Variants in EPHA5 observed in about 807,000 individuals in gnomAD.
EPHA5 encodes EPH receptor A5, also known as ephrin type-A receptor 5.
Under a neutral mutation model 105.0 loss-of-function variants are expected in EPHA5, and 60 were observed. That is an observed-to-expected ratio of 0.57 (90% CI 0.46 to 0.71). The LOEUF is 0.71. EPHA5 is among the 30% of genes least tolerant of loss of function. EPHA5 has a pLI of 0.00. For missense variants in EPHA5, 1,218 were observed against 1,274.7 expected (o/e 0.96, Z 0.68); for synonymous variants, 513 against 449.1 (o/e 1.14, Z -1.80).
At chr4:65,425,077 T>A (rs1438467658) in intron 5 of EPHA5, among the ~76,000 whole-genome samples, 2 of 152,086 alleles carry the variant, frequency 1.3e-5, no homozygotes, top group Admixed American at 6.6e-5. Context: ...TGCATTTGAT[T>A]TATATACCCA....
At chr4:65,466,009 C>A (rs574504075) in intron 5 of EPHA5, among the ~76,000 whole-genome samples, 1 of 152,250 alleles carries the variant, frequency 6.6e-6, no homozygotes, top group Admixed American at 6.5e-5. Context: ...CAAAAAAAGA[C>A]ATAAAAATTA....
intron 8 of EPHA5, among the ~76,000 whole-genome samples, chr4:65,388,659 G>T (rs1720383888): frequency 1.0e-5 from 1 of 98,368 alleles, no homozygotes; most frequent in African/African-American, 4.0e-5. Context: ...ACTTTTTGAT[G>T]GGGTTGTTTT....
chr4:65,538,050 A>T (rs193090363), intron 3 of EPHA5, among the ~76,000 whole-genome samples: 1 of 151,966 alleles, frequency 6.6e-6, no homozygotes, highest in East Asian at 1.9e-4. Flanking sequence ...AAAGGAAGGA[A>T]GATGTATTTG....
At chr4:65,650,425 T>C (rs1425596572) in intron 1 of EPHA5, among the ~76,000 whole-genome samples, 4 of 150,214 alleles carry the variant, frequency 2.7e-5, no homozygotes, top group Non-Finnish European at 4.4e-5. Context: ...CAGGGCTTGG[T>C]GGCGGGCGCC....
chr4:65,562,077 T>C (rs1001367397), intron 3 of EPHA5, among the ~76,000 whole-genome samples: 1 of 152,050 alleles, frequency 6.6e-6, no homozygotes, highest in African/African-American at 2.4e-5. Flanking sequence ...ATTCTTCTGA[T>C]TATTTTGGAT....
chr4:65,634,936 TG>T (rs1318116523), intron 2 of EPHA5, among the ~76,000 whole-genome samples: 1 of 152,012 alleles, frequency 6.6e-6, no homozygotes, highest in African/African-American at 2.4e-5. Context: ...TCCTTATTCT[TG>T]CCTTTAATTT....
At position 65,585,194 on chromosome 4, in the gene EPHA5, G is replaced by T. The variant is rs1362019024; in HGVS notation, c.910+16447C>A. ...ATAAATATGATGTGCTTAGAATAGTGTGTGATATATAGAATTTGCTATAAA... is the reference window on the plus strand; with the variant it reads ...ATAAATATGATGTGCTTAGAATAGTTTGTGATATATAGAATTTGCTATAAA... On this transcript the variant is annotated intron_variant, in intron 3 of 16. Coordinates refer to ENST00000613740, the MANE Select transcript of EPHA5 (RefSeq NM_001281766.3). 4.0e-5 allele frequency among the ~76,000 whole-genome samples: 6 copies of T among 151,626 alleles called. No homozygotes were observed. In the East Asian group the frequency reaches 1.2e-3, roughly 29 times the overall value.
intron 8 of EPHA5, among the ~76,000 whole-genome samples, chr4:65,387,506 G>A (rs1257674614): frequency 2.0e-5 from 3 of 151,826 alleles, no homozygotes; most frequent in African/African-American, 7.3e-5. Context: ...TTTCCCTATT[G>A]GGGCTGAAAA....
At chr4:65,408,801 A>G (rs566873737) in intron 7 of EPHA5, among the ~76,000 whole-genome samples, 2 of 151,522 alleles carry the variant, frequency 1.3e-5, no homozygotes, top group African/African-American at 4.8e-5. Context: ...AGGGATCTAG[A>G]ACTAGAAATA....
At chr4:65,457,902 G>A (rs1465031769) in intron 5 of EPHA5, among the ~76,000 whole-genome samples, 1 of 151,256 alleles carries the variant, frequency 6.6e-6, no homozygotes, top group Non-Finnish European at 1.5e-5. Flanking sequence ...GTGAAACCCC[G>A]TCTCCACTAA....
At chr4:65,649,541 C>T (rs1013214262) in intron 1 of EPHA5, among the ~76,000 whole-genome samples, 1 of 152,142 alleles carries the variant, frequency 6.6e-6, no homozygotes, top group Non-Finnish European at 1.5e-5. Flanking sequence ...TAAAAATTTT[C>T]ATTAAAATAT....
chr4:65,479,401 A>T (rs1730138102), intron 5 of EPHA5, among the ~76,000 whole-genome samples: 1 of 152,228 alleles, frequency 6.6e-6, no homozygotes, highest in Non-Finnish European at 1.5e-5. Flanking sequence ...GCAAGCAAAC[A>T]GAATTTATTC....
rs1270073729 is a variant in EPHA5 at position 65,669,713 on chromosome 4, T to C, written c.30A>G (p.Gly10=). Residue 10 remains glycine (G), a synonymous_variant, in exon 1 of 17, where the codon GGA becomes GGG. Transcript: ENST00000613740. MRGSGPRGA[G]RRRPPSGGGD... ...CGCCGCCGCTTGGGGGCCGCCGGCG[T>C]CCCGCACCCCGGGGCCCCGAGCCCC... The C allele has an allele frequency of 1.6e-6, 2 of 1,287,484 alleles. No individual in the cohort carries two copies. Among genetic ancestry groups the C allele is most frequent in the South Asian group, 5.1e-5 (2 of 39,114 alleles). The allele number at this position is 1,287,484 out of a possible 1,614,324, so 79.8% of individuals were successfully genotyped here.
chr4:65,542,294 G>C lies in EPHA5; in HGVS notation c.911-46751C>G, dbSNP rs561451679. Among the ~76,000 whole-genome samples the C allele has an allele frequency of 2.1e-4, 32 of 151,866 alleles. 1 individual carries two copies. The highest frequency in any genetic ancestry group is 7.5e-4 in the African/African-American group (31 of 41,476). ...AACATCAAAAAATCAATAAATCCAG[G>C]AGCTGGTTTTTGAAAAAATTAATAA... On this transcript the variant is annotated intron_variant, in intron 3 of 16. Coordinates refer to ENST00000613740, the MANE Select transcript of EPHA5 (RefSeq NM_001281766.3).
chr4:65,665,707 T>G (rs1301947069), intron 1 of EPHA5, among the ~76,000 whole-genome samples: 1 of 152,090 alleles, frequency 6.6e-6, no homozygotes, highest in Non-Finnish European at 1.5e-5. Context: ...CTGTCTTATA[T>G]GAGTAAATGA....
chr4:65,524,013 C>T (rs572136044), intron 3 of EPHA5, among the ~76,000 whole-genome samples: 1 of 151,816 alleles, frequency 6.6e-6, no homozygotes, highest in African/African-American at 2.4e-5. Flanking sequence ...AGAAGAACGA[C>T]TTGGTCTCTC....
intron 8 of EPHA5, among the ~76,000 whole-genome samples, chr4:65,383,005 T>G (rs1227393929): frequency 3.3e-5 from 5 of 150,014 alleles, no homozygotes; most frequent in South Asian, 2.1e-4. Flanking sequence ...TATGTATATA[T>G]AGAGAGAGAT....
At chr4:65,376,402 T>C (rs1020382673) in intron 8 of EPHA5, among the ~76,000 whole-genome samples, 1 of 152,032 alleles carries the variant, frequency 6.6e-6, no homozygotes, top group African/African-American at 2.4e-5. Flanking sequence ...TAATTAAGAG[T>C]ATGCCATTTG....
intron 8 of EPHA5, among the ~76,000 whole-genome samples, chr4:65,385,228 G>A (rs1458003260): frequency 6.6e-6 from 1 of 151,620 alleles, no homozygotes; most frequent in Non-Finnish European, 1.5e-5. Flanking sequence ...AAAAAAAGAA[G>A]AAAATAAGTA....
Sources: gnomAD v4.1 joint callset for allele counts (sites outside exome capture counted in the v4.1 genomes callset) on GRCh38, gnomAD v4.1.1 for gene constraint, MANE v1.5 for transcripts, NCBI Gene and HGNC (gene_info 2026-07-23, HGNC 2026-07-21) for gene names.